The following PPP2R1B variants were observed in gnomAD, a reference collection of about 807,000 sequenced individuals.
PPP2R1B encodes the protein protein phosphatase 2 scaffold subunit Abeta, also known as serine/threonine-protein phosphatase 2A 65 kDa regulatory subunit A beta isoform.
In PPP2R1B, 58 loss-of-function variants were observed where a neutral mutation model predicts 72.7. The observed-to-expected ratio is 0.80, with a 90% confidence interval of 0.65 to 0.99. The LOEUF (loss-of-function observed/expected upper bound fraction) is 0.99. Ranked by LOEUF, PPP2R1B falls within the 50% of genes least tolerant of loss-of-function variation. PPP2R1B has a pLI of 0.00. For synonymous variants in PPP2R1B, 256 were observed against 264.6 expected (o/e 0.97, Z 0.32); for missense variants, 695 against 733.6 (o/e 0.95, Z 0.61).
the PPP2R1B span, among the ~76,000 whole-genome samples, chr11:111,692,694 T>A: frequency 0.029 from 4,362 of 152,294 alleles, 82 homozygotes; most frequent in Non-Finnish European, 0.04. Flanking sequence ...AAGGATCATC[T>A]TCTTATCTCT....
downstream of PPP2R1B, chr11:111,722,079 C>T: frequency 3.5e-6 from 2 of 570,240 alleles, no homozygotes; most frequent in Non-Finnish European, 5.8e-6. The surrounding 1 kb of genome is among the most constrained non-coding windows in gnomAD (Gnocchi z 4.4). Flanking sequence ...TGACTCTGTA[C>T]TTGGAGTTTC....
chr11:111,761,028 A>C lies in PPP2R1B; in HGVS notation c.330T>G (p.Thr110=), dbSNP rs781799422. 2.5e-6 allele frequency: 4 copies of C among 1,614,040 alleles called. No homozygotes were observed. In the Admixed American group the frequency reaches 6.7e-5, roughly 27 times the overall value. Residue 110 remains threonine, a synonymous_variant, in exon 4 of 15, where the codon ACT becomes ACG. Transcript: ENST00000527614. The part of the protein sequence containing the change: ...CLLPPLENLA[T]VEETVVRDKA... Reference sequence around the variant, plus strand: ...TGTCACGAACAACAGTCTCTTCCACAGTTGCCAGATTTTCCAAAGGAGGCT... The same window carrying C: ...TGTCACGAACAACAGTCTCTTCCACCGTTGCCAGATTTTCCAAAGGAGGCT...
At chr11:111,744,805 C>A (rs1271022650) in intron 11 of PPP2R1B, among the ~76,000 whole-genome samples, 1 of 152,156 alleles carries the variant, frequency 6.6e-6, no homozygotes, top group Non-Finnish European at 1.5e-5. Context: ...ATGTTGAGAA[C>A]AAGCAAGACA....
the PPP2R1B span, among the ~76,000 whole-genome samples, chr11:111,709,411 A>G: frequency 6.6e-6 from 1 of 152,200 alleles, no homozygotes; most frequent in Admixed American, 6.5e-5. Flanking sequence ...AGGTCATAAC[A>G]AGTATTTGCC....
At chr11:111,765,559 C>T (rs904353179) in intron 1 of PPP2R1B, among the ~76,000 whole-genome samples, 175 bp from the exon 2 acceptor site, 6 of 152,154 alleles carry the variant, frequency 3.9e-5, no homozygotes, top group Admixed American at 3.9e-4. Flanking sequence ...AAGTGTAACT[C>T]GGCCTCACTA....
At chr11:111,761,109 A>G in intron 3 of PPP2R1B, 58 bp from the exon 4 acceptor site, 1 of 1,410,062 alleles carries the variant, frequency 7.1e-7, no homozygotes. Flanking sequence ...GGTTAGAAAC[A>G]GATAATCACC....
intron 11 of PPP2R1B, among the ~76,000 whole-genome samples, chr11:111,744,151 G>C (rs1483073898): frequency 6.6e-6 from 1 of 152,224 alleles, no homozygotes; most frequent in Admixed American, 6.5e-5. Flanking sequence ...CCAGACTGCA[G>C]AGCATTATGA....
chr11:111,688,068 T>A, the PPP2R1B span: 1 of 1,614,216 alleles, frequency 6.2e-7, no homozygotes, highest in Non-Finnish European at 8.5e-7. This position sits in a 1 kb window ranked among gnomAD's most constrained non-coding sequence, Gnocchi z 4.2. Context: ...AAATCCTGTC[T>A]GCTGTTGATT....
At chr11:111,748,573 G>C (rs1555047004) in intron 10 of PPP2R1B, among the ~76,000 whole-genome samples, 1 of 152,216 alleles carries the variant, frequency 6.6e-6, no homozygotes, top group African/African-American at 2.4e-5. Context: ...TGCTCTCCCA[G>C]CCCTGTTCCT....
At chr11:111,748,284 A>G (rs1555046892) in intron 10 of PPP2R1B, among the ~76,000 whole-genome samples, 1 of 152,246 alleles carries the variant, frequency 6.6e-6, no homozygotes, top group Non-Finnish European at 1.5e-5. Context: ...CAACACTGCA[A>G]AAGAGCAGGA....
chr11:111,719,794 A>G, the PPP2R1B span: 3 of 1,613,420 alleles, frequency 1.9e-6, no homozygotes, highest in African/African-American at 4.0e-5. Flanking sequence ...TGTCTGCTTG[A>G]CCCTGTGCCT....
chr11:111,754,591 A>G (rs1555049006), intron 7 of PPP2R1B, 22 bp from the exon 8 acceptor site: 1 of 1,591,130 alleles, frequency 6.3e-7, no homozygotes, highest in Non-Finnish European at 8.5e-7. Flanking sequence ...ATAGAAAAAA[A>G]GAATGCTTTC....
the PPP2R1B span, chr11:111,721,204 T>G: frequency 9.7e-7 from 1 of 1,033,212 alleles, no homozygotes; most frequent in Non-Finnish European, 1.4e-6. Context: ...CTTCTTTGCC[T>G]TGTTGCTGCC....
Position 111,742,535 on chromosome 11 carries a change from A to G in PPP2R1B, c.1685T>C (p.Ile562Thr), listed in dbSNP as rs1265743195. The change falls in exon 13 of 15, where the codon ATT becomes ACT. Residue 562 changes from isoleucine to threonine, a missense_variant. Ile to Thr is a moderately conservative substitution (Grantham distance 89). Coordinates refer to ENST00000527614, the MANE Select transcript of PPP2R1B (RefSeq NM_002716.5). ...ACTAAAATCTTACTTGGTATCTAGA[A>G]TTGGTCCAATCTTTTGTAGAGATTT... ...VAKSLQKIGP[I>T]LDTNALQGEV... 1 of 1,613,414 alleles carries G rather than the reference A, an allele frequency of 6.2e-7. No individual in the cohort carries two copies. Among genetic ancestry groups the G allele is most frequent in the Middle Eastern group, 1.7e-4 (1 of 6,060 alleles).
chr11:111,741,184 AATG>A lies in PPP2R1B; in HGVS notation c.*409_*411del. 1.0e-6 allele frequency: 1 copy of A among 999,230 alleles called. No individual in the cohort carries two copies. The highest frequency in any genetic ancestry group is 1.2e-6 in the Non-Finnish European group (1 of 838,616). 61.9% of individuals were successfully genotyped at this position (999,230 alleles called of 1,614,324 possible). On this transcript the variant is annotated 3_prime_UTR_variant, in exon 15 of 15. Coordinates refer to ENST00000527614, the MANE Select transcript of PPP2R1B (RefSeq NM_002716.5). ...TCTAAACATGTACATTTAGCTTTGG[AATG>A]ATGGAGAGACACAGAGATATATGTA...
Position 111,766,265 on chromosome 11 carries a change from G to A in PPP2R1B, c.97C>T (p.Arg33Cys). Reference sequence around the variant, plus strand: ...TCCAGTACCTGCACGTCTTCATTGCGGAGCTCGTCGATTAAAACCGCGATC... The same window carrying A: ...TCCAGTACCTGCACGTCTTCATTGCAGAGCTCGTCGATTAAAACCGCGATC... ...YPIAVLIDEL[R>C]NEDVQLRLNS... Residue 33 changes from arginine to cysteine, a missense_variant, in exon 1 of 15, where the codon CGC becomes TGC. Transcript: ENST00000527614. 3 of 1,613,908 alleles carry A rather than the reference G, an allele frequency of 1.9e-6. No individual in the cohort carries two copies. Among genetic ancestry groups the A allele is most frequent in the Non-Finnish European group, 2.5e-6 (3 of 1,179,908 alleles).
At chr11:111,727,484 T>C (rs1944010578) in intron 15 of PPP2R1B, 1 of 186,992 alleles carries the variant, frequency 5.3e-6, no homozygotes, top group South Asian at 1.4e-4. Context: ...ACTCTGGTGC[T>C]GGAGTAATGG....
In PPP2R1B at chr11:111,741,540, T is replaced by C. The variant is rs1038593646; in HGVS notation, c.*56A>G. 5.6e-6 allele frequency: 9 copies of C among 1,604,186 alleles called. No homozygotes were observed. The African/African-American group carries it at 8.1e-5, about 14-fold the overall frequency. On this transcript the variant is annotated 3_prime_UTR_variant, in exon 15 of 15. Coordinates refer to ENST00000527614, the MANE Select transcript of PPP2R1B (RefSeq NM_002716.5). ...CTTTCTCCACCCAGTTAAGAACACA[T>C]TGACTAGAAATTTGTGACAAGAATC...
chr11:111,753,504 A>C lies in PPP2R1B; in HGVS notation c.1103T>G (p.Leu368Trp), dbSNP rs1166365671. ...ATGTTCAATGGTATTTTCTTTGCCCAAAATAGTAGACAATCCCATAATTAC... is the reference window on the plus strand; with the variant it reads ...ATGTTCAATGGTATTTTCTTTGCCCCAAATAGTAGACAATCCCATAATTAC... ...ASVIMGLSTI[L>W]GKENTIEHLL... The change falls in exon 9 of 15, where the codon TTG (leucine) becomes TGG (tryptophan). Residue 368 changes from leucine (L) to tryptophan (W), a missense_variant. Coordinates refer to ENST00000527614, the MANE Select transcript of PPP2R1B (RefSeq NM_002716.5). The C allele has an allele frequency of 1.9e-6, 3 of 1,613,474 alleles. No individual in the cohort carries two copies. Among genetic ancestry groups the C allele is most frequent in the Non-Finnish European group, 2.5e-6 (3 of 1,179,568 alleles).
Sources: gnomAD v4.1 joint callset for allele counts (sites outside exome capture counted in the v4.1 genomes callset) on GRCh38, gnomAD v4.1.1 for gene constraint, Gnocchi (gnomAD v3.1) non-coding constraint, MANE v1.5 for transcripts, NCBI Gene and HGNC (gene_info 2026-07-23, HGNC 2026-07-21) for gene names.